KCNMA1: variants seen among roughly 807,000 people sequenced by gnomAD.
KCNMA1 encodes Calcium-activated potassium channel subunit alpha-1.
In KCNMA1, 29 loss-of-function variants were observed where a neutral mutation model predicts 140.0. The observed-to-expected ratio is 0.21, with a 90% confidence interval of 0.15 to 0.28. The LOEUF is 0.28. Ranked by LOEUF, KCNMA1 falls within the 10% of genes least tolerant of loss-of-function variation. The probability of loss-of-function intolerance (pLI) is 1.00; values close to 1 mark genes in which losing one functional copy is unlikely to be tolerated. For missense variants in KCNMA1, 880 were observed against 1,602.2 expected (o/e 0.55, Z 7.70); for synonymous variants, 612 against 611.9 (o/e 1.00, Z 0.00).
At chr10:77,415,124 C>T (rs547543921) in intron 1 of KCNMA1, among the ~76,000 whole-genome samples, 2 of 152,246 alleles carry the variant, frequency 1.3e-5, no homozygotes, top group East Asian at 3.9e-4. Context: ...GACGGGGATC[C>T]AACCTGGGAA....
intron 1 of KCNMA1, among the ~76,000 whole-genome samples, chr10:77,477,245 C>A (rs1460613505): frequency 1.3e-5 from 2 of 152,214 alleles, no homozygotes; most frequent in Non-Finnish European, 2.9e-5. Context: ...CTTATCATAA[C>A]ACGAAACACT....
At chr10:77,094,411 C>G (rs1271832167) in intron 9 of KCNMA1, among the ~76,000 whole-genome samples, 2 of 152,106 alleles carry the variant, frequency 1.3e-5, no homozygotes, top group African/African-American at 4.8e-5. Context: ...GAAATGGACC[C>G]ACAGAGGTCC....
intron 25 of KCNMA1, chr10:76,901,416 C>A (rs926781069): frequency 1.3e-5 from 2 of 151,940 alleles, no homozygotes; most frequent in African/African-American, 2.4e-5. Flanking sequence ...TTTTTTTAAA[C>A]AAAGGGCACT....
At chr10:77,124,542 T>G (rs1325581107) in intron 5 of KCNMA1, among the ~76,000 whole-genome samples, 1 of 152,144 alleles carries the variant, frequency 6.6e-6, no homozygotes, top group African/African-American at 2.4e-5. Context: ...AATCATTTAT[T>G]TTTCCCAACA....
At chr10:77,137,762 A>G (rs990148875) in intron 5 of KCNMA1, among the ~76,000 whole-genome samples, 3 of 152,122 alleles carry the variant, frequency 2.0e-5, no homozygotes, top group Non-Finnish European at 4.4e-5. Context: ...GTAATTGTTC[A>G]GGTTGTTTTG....
At chr10:77,438,103 C>A (rs1288035508) in intron 1 of KCNMA1, among the ~76,000 whole-genome samples, 1 of 152,008 alleles carries the variant, frequency 6.6e-6, no homozygotes, top group Admixed American at 6.6e-5. Context: ...CACTGTGTTG[C>A]CTAGAGTGAA....
chr10:77,120,886 G>A (rs1190979370), intron 6 of KCNMA1, 87 bp downstream of exon 6: 2 of 765,944 alleles, frequency 2.6e-6, no homozygotes, highest in African/African-American at 1.7e-5. Context: ...TATTAATAAT[G>A]TCATTGTGAT....
At chr10:77,466,376 C>G (rs1164219337) in intron 1 of KCNMA1, among the ~76,000 whole-genome samples, 1 of 152,164 alleles carries the variant, frequency 6.6e-6, no homozygotes, top group Non-Finnish European at 1.5e-5. Context: ...ACACAGCCAC[C>G]CATGTATCTC....
chr10:77,075,046 G>T (rs113802753), intron 13 of KCNMA1, among the ~76,000 whole-genome samples: 1 of 152,144 alleles, frequency 6.6e-6, no homozygotes, highest in South Asian at 2.1e-4. Context: ...TGCAAAATCC[G>T]CTTCTGTGAC....
chr10:77,209,186 G>A (rs1020366917), intron 3 of KCNMA1, among the ~76,000 whole-genome samples: 1 of 152,056 alleles, frequency 6.6e-6, no homozygotes, highest in Non-Finnish European at 1.5e-5. Context: ...AGCTATCACT[G>A]TTCTTTTCTT....
At chr10:77,585,279 G>A (rs530098676) in intron 1 of KCNMA1, among the ~76,000 whole-genome samples, 9 of 152,262 alleles carry the variant, frequency 5.9e-5, no homozygotes, top group African/African-American at 1.9e-4. Flanking sequence ...CGCACTAGCC[G>A]GGTGACCTGA....
intron 2 of KCNMA1, among the ~76,000 whole-genome samples, chr10:77,274,176 T>C (rs185452494): frequency 3.3e-5 from 5 of 152,160 alleles, no homozygotes; most frequent in East Asian, 1.9e-4. Context: ...CTTTCAAGTA[T>C]GACTATCCTG....
At chr10:77,510,709 G>A (rs995818568) in intron 1 of KCNMA1, among the ~76,000 whole-genome samples, 2 of 152,026 alleles carry the variant, frequency 1.3e-5, no homozygotes, top group Non-Finnish European at 2.9e-5. Context: ...GAGGCAGGAG[G>A]ATCACTTGAG....
rs560476908 is a variant in KCNMA1, at chr10:77,217,477, C to A, written c.603-32561G>T. ...GTATGTATTAAAGGAATAGGAATTACAGTACATTTCTGGAGAATATTCTTG... is the reference window on the plus strand; with the variant it reads ...GTATGTATTAAAGGAATAGGAATTAAAGTACATTTCTGGAGAATATTCTTG... On this transcript the variant is annotated intron_variant, in intron 3 of 27. Coordinates refer to ENST00000286628, the MANE Select transcript of KCNMA1 (RefSeq NM_001161352.2). The A allele has an allele frequency of 8.8e-6, 4 of 456,620 alleles. No individual in the cohort carries two copies. The Admixed American group carries it at 9.4e-5, about 11-fold the overall frequency. The allele number at this position is 456,620 out of a possible 1,614,324, so 28.3% of individuals were successfully genotyped here.
At chr10:77,427,963 G>A (rs2097060669) in intron 1 of KCNMA1, among the ~76,000 whole-genome samples, 1 of 151,998 alleles carries the variant, frequency 6.6e-6, no homozygotes, top group African/African-American at 2.4e-5. Flanking sequence ...ATGTTGGCCA[G>A]GATGGTCTTG....
At position 77,439,079 on chromosome 10, in the gene KCNMA1, A is replaced by G. The variant is rs187329155; in HGVS notation, c.379-35056T>C. On this transcript the variant is annotated intron_variant, in intron 1 of 27. Transcript: ENST00000286628. ...GAGCGAGACTCTCTCAAAAAAAGAA[A>G]GAAAAGAAAAGAGAAGAGAAGAGAA... Among the ~76,000 whole-genome samples, 41 of 147,792 alleles carry G rather than the reference A, an allele frequency of 2.8e-4. 1 individual carries two copies. The highest frequency in any genetic ancestry group is 9.8e-4 in the African/African-American group (39 of 39,700).
chr10:77,123,246 A>G (rs1480405887), intron 5 of KCNMA1, among the ~76,000 whole-genome samples: 1 of 149,392 alleles, frequency 6.7e-6, no homozygotes, highest in East Asian at 2.1e-4. Context: ...AATTTTCAGA[A>G]TTTTTAGACA....
chr10:77,119,430 C>A (rs1406639058), intron 6 of KCNMA1, among the ~76,000 whole-genome samples: 2 of 152,152 alleles, frequency 1.3e-5, no homozygotes, highest in Non-Finnish European at 2.9e-5. Flanking sequence ...TCACAAAACA[C>A]CATCCCTACC....
chr10:76,952,063 G>A, intron 21 of KCNMA1: 2 of 1,552,216 alleles, frequency 1.3e-6, no homozygotes, highest in South Asian at 1.2e-5. Context: ...ATGCTGGCAG[G>A]AGATGTTGAT....
Sources: allele counts gnomAD v4.1 joint callset (sites outside exome capture counted in the v4.1 genomes callset), GRCh38; gene constraint gnomAD v4.1.1; transcripts MANE v1.5; gene names NCBI Gene and HGNC (gene_info 2026-07-23, HGNC 2026-07-21).